The following PCNX1 variants were observed in gnomAD, a reference collection of about 807,000 sequenced individuals.
PCNX1 encodes pecanex-like protein 1.
PCNX1 carries 78 observed loss-of-function variants against 242.2 expected under a neutral mutation model. The observed-to-expected ratio is 0.32, with a 90% CI of 0.27 to 0.39. The LOEUF is 0.39. PCNX1 is among the 10% of genes least tolerant of loss of function. PCNX1 has a pLI of 1.00. For synonymous variants in PCNX1, 1,024 were observed against 1,032.9 expected (o/e 0.99, Z 0.17); for missense variants, 2,581 against 2,856.5 (o/e 0.90, Z 2.20).
At chr14:71,059,573 G>T (rs577089462) in intron 26 of PCNX1, among the ~76,000 whole-genome samples, 1 of 151,812 alleles carries the variant, frequency 6.6e-6, no homozygotes, top group East Asian at 1.9e-4. Context: ...TTTTACTTTT[G>T]TATAGATAGG....
rs201852729 is a variant in PCNX1, at chr14:71,018,526, C to CT, written c.2997-482dup. Among the ~76,000 whole-genome samples the CT allele has an allele frequency of 6.1e-3, 935 of 152,156 alleles. 24 individuals carry two copies. The highest frequency in any genetic ancestry group is 0.054 in the Admixed American group (820 of 15,276). Reference sequence around the variant, plus strand: ...TGAGTTTTCTAATTCTTTCAGATGACTGAGAGATGGGGGAAGCGAAATCAA... The same window carrying CT: ...TGAGTTTTCTAATTCTTTCAGATGACTTGAGAGATGGGGGAAGCGAAATCAA... On this transcript the variant is annotated intron_variant, in intron 11 of 35. Transcript: ENST00000304743.
chr14:70,951,267 A>G (rs2057766796), intron 2 of PCNX1, among the ~76,000 whole-genome samples: 1 of 151,934 alleles, frequency 6.6e-6, no homozygotes, highest in Non-Finnish European at 1.5e-5. Context: ...TTTCATTTAT[A>G]CCATACTGTT....
chr14:70,912,597 C>T (rs190748966), intron 1 of PCNX1, among the ~76,000 whole-genome samples: 4 of 151,860 alleles, frequency 2.6e-5, no homozygotes, highest in Admixed American at 2.0e-4. Context: ...GTTAATGGCA[C>T]TGTCTGTATC....
chr14:71,107,289 T>C (rs562206299), intron 33 of PCNX1, among the ~76,000 whole-genome samples: 19 of 152,258 alleles, frequency 1.2e-4, no homozygotes, highest in South Asian at 2.1e-4. Context: ...TGAAGAGACC[T>C]GATAGATCAA....
At chr14:71,107,575 A>T (rs987838386) in intron 33 of PCNX1, among the ~76,000 whole-genome samples, 6 of 152,334 alleles carry the variant, frequency 3.9e-5, no homozygotes, top group Admixed American at 1.3e-4. Flanking sequence ...TACTCTTATG[A>T]GTCAAGAAAA....
intron 2 of PCNX1, among the ~76,000 whole-genome samples, chr14:70,958,752 T>G (rs2058083761): frequency 6.6e-6 from 1 of 152,032 alleles, no homozygotes; most frequent in Non-Finnish European, 1.5e-5. Flanking sequence ...GTGCTTATTC[T>G]AGAGCTAATC....
chr14:71,023,268 C>T (rs761402578), intron 13 of PCNX1, 36 bp downstream of exon 13: 2 of 1,453,180 alleles, frequency 1.4e-6, no homozygotes, highest in Admixed American at 1.7e-5. Flanking sequence ...CATTATAGGT[C>T]CTTAACATTT....
At chr14:71,024,091 C>G (rs2060175846) in intron 13 of PCNX1, among the ~76,000 whole-genome samples, 1 of 152,234 alleles carries the variant, frequency 6.6e-6, no homozygotes, top group South Asian at 2.1e-4. Flanking sequence ...TCATCCAGAT[C>G]CCCAAGTTAA....
At chr14:71,066,818 AG>A (rs766586998) in intron 26 of PCNX1, among the ~76,000 whole-genome samples, 126 of 152,284 alleles carry the variant, frequency 8.3e-4, no homozygotes, top group Non-Finnish European at 1.4e-3. Context: ...TTTAGCATGA[AG>A]GGCTGTTGAA....
chr14:70,968,910 CT>C (rs2140008307), intron 4 of PCNX1, 110 bp from the exon 5 acceptor site: 1 of 653,740 alleles, frequency 1.5e-6, no homozygotes, highest in African/African-American at 1.8e-5. Context: ...ACAAAAACTA[CT>C]TTAGTTGATA....
At chr14:71,004,795 T>C (rs2059607299) in intron 8 of PCNX1, among the ~76,000 whole-genome samples, 1 of 152,220 alleles carries the variant, frequency 6.6e-6, no homozygotes, top group Admixed American at 6.5e-5. Context: ...TCATTGAGAT[T>C]GCATTATGAA....
At chr14:71,041,810 A>C (rs546173491) in intron 19 of PCNX1, among the ~76,000 whole-genome samples, 1 of 136,280 alleles carries the variant, frequency 7.3e-6, no homozygotes, top group African/African-American at 2.9e-5. Context: ...ATACTATACT[A>C]TACTATACTA....
rs1159117224 is a variant in PCNX1 at position 70,948,943 on chromosome 14, A to G, written c.362+1820A>G. Among the ~76,000 whole-genome samples the G allele has an allele frequency of 1.4e-5, 2 of 144,124 alleles. 1 individual carries two copies. Among genetic ancestry groups the G allele is most frequent in the South Asian group, 4.4e-4 (2 of 4,516 alleles). The allele number at this position is 144,124 out of a possible 152,430, so 94.6% of individuals were successfully genotyped here. On this transcript the variant is annotated intron_variant, in intron 2 of 35. Coordinates refer to ENST00000304743, the MANE Select transcript of PCNX1 (RefSeq NM_014982.3). ...TGTGTATATATGTACATATATGTAC[A>G]TATACACATACGTATATGTGTATAT...
chr14:71,050,775 A>G lies in PCNX1; in HGVS notation c.4447+15A>G. On this transcript the variant is annotated intron_variant, in intron 23 of 35. Transcript: ENST00000304743. ...TGCAGTGCCTCGTATCCTTCTAATT[A>G]AAGTTTTATAAGAATGGACAGTCAT... 6.2e-7 allele frequency: 1 copy of G among 1,608,038 alleles called. No individual in the cohort carries two copies. Among genetic ancestry groups the G allele is most frequent in the Non-Finnish European group, 8.5e-7 (1 of 1,177,644 alleles).
At chr14:70,930,769 A>G (rs2056765876) in intron 1 of PCNX1, among the ~76,000 whole-genome samples, 1 of 151,998 alleles carries the variant, frequency 6.6e-6, no homozygotes, top group Non-Finnish European at 1.5e-5. Flanking sequence ...GCTCAGTAGA[A>G]TATTATGTTT....
At chr14:71,051,838 C>A in intron 23 of PCNX1, 45 bp from the exon 24 acceptor site, 1 of 1,590,684 alleles carries the variant, frequency 6.3e-7, no homozygotes, top group South Asian at 1.1e-5. Flanking sequence ...TGTTTGGCAT[C>A]TGTGCTCAGA....
intron 9 of PCNX1, 148 bp from the exon 10 acceptor site, chr14:71,011,342 CTA>C: frequency 1.6e-6 from 1 of 640,160 alleles, no homozygotes; most frequent in Non-Finnish European, 2.8e-6. Flanking sequence ...GACCCAGAGT[CTA>C]TGTGCTTATC....
chr14:71,004,442 G>A (rs1231907047), intron 8 of PCNX1, among the ~76,000 whole-genome samples: 1 of 152,228 alleles, frequency 6.6e-6, no homozygotes, highest in Non-Finnish European at 1.5e-5. Flanking sequence ...AGTTTTCATA[G>A]GAGCATGAAC....
chr14:70,948,938 TGTACATATAC>T (rs201543010), intron 2 of PCNX1, among the ~76,000 whole-genome samples: 2,078 of 148,332 alleles, frequency 0.014, 23 homozygotes, highest in South Asian at 0.023. Flanking sequence ...TGTACATATA[TGTACATATAC>T]ACATACGTAT....
Sources: allele counts gnomAD v4.1 joint callset (sites outside exome capture counted in the v4.1 genomes callset), GRCh38; gene constraint gnomAD v4.1.1; transcripts MANE v1.5; gene names NCBI Gene and HGNC (gene_info 2026-07-23, HGNC 2026-07-21).